Variants in NDRG1 observed in about 807,000 individuals in gnomAD.
The protein encoded by NDRG1 is N-myc downstream regulated 1, also known as protein NDRG1.
In NDRG1, 32 loss-of-function variants were observed where a neutral mutation model predicts 56.9. That is an observed-to-expected ratio of 0.56 (90% CI 0.42 to 0.76). The LOEUF is 0.76. Among genes scored for constraint, NDRG1 ranks in the 30% least tolerant of loss-of-function variants. The pLI is 0.00. For missense variants in NDRG1, 507 were observed against 545.7 expected, an observed-to-expected ratio of 0.93 and a Z score of 0.71; for synonymous variants, 211 against 204.1, an observed-to-expected ratio of 1.03 and a Z score of -0.29.
At chr8:133,257,686 A>G (rs2130722781) in intron 7 of NDRG1, among the ~76,000 whole-genome samples, 1 of 152,344 alleles carries the variant, frequency 6.6e-6, no homozygotes, top group African/African-American at 2.4e-5. Context: ...GCAGATACAT[A>G]CAGATATAGA....
chr8:133,258,060 C>T lies in NDRG1; in HGVS notation c.450+306G>A, dbSNP rs1060401. 0.12 allele frequency among the ~76,000 whole-genome samples: 17,934 copies of T among 152,116 alleles called. 1,230 individuals carry two copies. The highest frequency in any genetic ancestry group is 0.19 in the South Asian group (911 of 4,818). On this transcript the variant is annotated intron_variant, in intron 7 of 15. Transcript: ENST00000323851. ...AGTGCCCTGACTACAAAAACCTGTA[C>T]AGCTGTTACAAAGCAGTGTCATAGC...
intron 8 of NDRG1, chr8:133,256,376 G>T: frequency 4.7e-6 from 1 of 214,594 alleles, no homozygotes; most frequent in South Asian, 1.1e-4. Flanking sequence ...TATGTGAATG[G>T]ATTCCTAAGA....
intron 1 of NDRG1, among the ~76,000 whole-genome samples, chr8:133,286,709 G>T (rs1362843546): frequency 6.6e-6 from 1 of 152,112 alleles, no homozygotes; most frequent in Non-Finnish European, 1.5e-5. Context: ...TCTAAACTAG[G>T]GGGGATTTTC....
intron 3 of NDRG1, among the ~76,000 whole-genome samples, chr8:133,277,798 C>T (rs1170501444): frequency 6.6e-6 from 1 of 152,116 alleles, no homozygotes; most frequent in African/African-American, 2.4e-5. Flanking sequence ...CGGGAAGCAC[C>T]ACATCATTGG....
chr8:133,278,834 A>G (rs978684622), intron 3 of NDRG1, among the ~76,000 whole-genome samples: 2 of 151,676 alleles, frequency 1.3e-5, no homozygotes, highest in Non-Finnish European at 1.5e-5. Context: ...CACTTCCCCA[A>G]TCACTGCTGA....
At chr8:133,261,230 C>G (rs1171899510) in intron 5 of NDRG1, among the ~76,000 whole-genome samples, 1 of 152,112 alleles carries the variant, frequency 6.6e-6, no homozygotes, top group South Asian at 2.1e-4. Context: ...CTAAGCCTCC[C>G]GAGTAGCAGG....
chr8:133,259,390 C>T (rs1042385984), intron 5 of NDRG1, 160 bp from the exon 6 acceptor site: 22 of 702,174 alleles, frequency 3.1e-5, no homozygotes, highest in Non-Finnish European at 4.9e-5. Context: ...CTTCCAAGAC[C>T]CCTGCAGCAC....
At chr8:133,290,544 A>G (rs1228678750) in intron 1 of NDRG1, among the ~76,000 whole-genome samples, 1 of 152,184 alleles carries the variant, frequency 6.6e-6, no homozygotes, top group East Asian at 1.9e-4. Flanking sequence ...GGGAATGTTG[A>G]CAATGATCTC....
intron 15 of NDRG1, chr8:133,240,081 C>A (rs1200500339): frequency 1.3e-5 from 2 of 152,254 alleles, no homozygotes; most frequent in Non-Finnish European, 2.9e-5. Context: ...CAGGAAGAGG[C>A]ATGGAAGGTT....
rs72731560 is a variant in NDRG1, at chr8:133,248,992, C to A, written c.699-221G>T. Among the ~76,000 whole-genome samples the A allele has an allele frequency of 0.074, 11,319 of 152,118 alleles. 583 individuals are homozygous for A. Among genetic ancestry groups the A allele is most frequent in the African/African-American group, 0.14 (5,823 of 41,466 alleles). On this transcript the variant is annotated intron_variant, in intron 10 of 15. Coordinates refer to ENST00000323851, the MANE Select transcript of NDRG1 (RefSeq NM_006096.4). ...ACAACACATGCATTTCAAGCAGAGCCCCCTCATTTTGTCACAAATATTTGT... is the reference window on the plus strand; with the variant it reads ...ACAACACATGCATTTCAAGCAGAGCACCCTCATTTTGTCACAAATATTTGT...
chr8:133,287,809 CGTT>C (rs1858203543), intron 1 of NDRG1, among the ~76,000 whole-genome samples: 1 of 152,228 alleles, frequency 6.6e-6, no homozygotes, highest in Non-Finnish European at 1.5e-5. Context: ...AATCTGCAAA[CGTT>C]GCCAAATGTC....
rs28674076 is a variant in NDRG1, at chr8:133,289,155, A to T, written c.-18-4826T>A. The stretch of plus-strand genomic sequence containing the variant: ...GGTCTCAAACTCCTGGGTTCAAGTG[A>T]TCCTCCTACTCCGGCCTCCTGAGTA... On this transcript the variant is annotated intron_variant, in intron 1 of 15. Transcript: ENST00000323851. Among the ~76,000 whole-genome samples the T allele has an allele frequency of 4.3e-3, 647 of 152,104 alleles. 1 individual carries two copies. The highest frequency in any genetic ancestry group is 0.015 in the African/African-American group (605 of 41,500).
At chr8:133,260,040 C>T (rs1297768177) in intron 5 of NDRG1, among the ~76,000 whole-genome samples, 1 of 152,198 alleles carries the variant, frequency 6.6e-6, no homozygotes, top group Admixed American at 6.5e-5. Flanking sequence ...TGAGAAGCCG[C>T]AGGGCAGAAG....
At chr8:133,270,232 C>T (rs75996068) in intron 3 of NDRG1, among the ~76,000 whole-genome samples, 63 of 152,340 alleles carry the variant, frequency 4.1e-4, no homozygotes, top group African/African-American at 1.2e-3. Flanking sequence ...TGGTCTACAC[C>T]GCCTGGAAGC....
chr8:133,275,427 A>G (rs2080422901), intron 3 of NDRG1, among the ~76,000 whole-genome samples: 1 of 152,160 alleles, frequency 6.6e-6, no homozygotes, highest in Non-Finnish European at 1.5e-5. Context: ...GCCCTTGGAA[A>G]TTTCAGAATT....
chr8:133,244,321 A>G (rs1288972693), intron 14 of NDRG1, 34 bp downstream of exon 14: 1 of 1,613,806 alleles, frequency 6.2e-7, no homozygotes, highest in Non-Finnish European at 8.5e-7. Context: ...GGGAAGCGAC[A>G]GCTGTATAAT....
Position 133,258,322 on chromosome 8 carries a change from A to G in NDRG1, c.450+44T>C, listed in dbSNP as rs755877553. 4 of 1,568,074 alleles carry G rather than the reference A, an allele frequency of 2.6e-6. No homozygotes were observed. The African/African-American group carries it at 4.0e-5, about 16-fold the overall frequency. On this transcript the variant is annotated intron_variant, in intron 7 of 15. Coordinates refer to ENST00000323851, the MANE Select transcript of NDRG1 (RefSeq NM_006096.4). ...TTCCAATGTCTTCCTTCATCTTAAA[A>G]TGTTATTTAAAATGCGATTTTCAAA...
At chr8:133,244,234 T>C in intron 14 of NDRG1, 121 bp downstream of exon 14, 1 of 1,268,394 alleles carries the variant, frequency 7.9e-7, no homozygotes, top group Non-Finnish European at 1.1e-6. Context: ...TTCCCAACAG[T>C]CCACAAACTG....
At chr8:133,244,299 A>G in intron 14 of NDRG1, 56 bp downstream of exon 14, 1 of 1,603,948 alleles carries the variant, frequency 6.2e-7, no homozygotes, top group Admixed American at 1.7e-5. Context: ...AGGCACATGC[A>G]CTCCACCCAG....
Sources: allele counts gnomAD v4.1 joint callset (sites outside exome capture counted in the v4.1 genomes callset), GRCh38; gene constraint gnomAD v4.1.1; transcripts MANE v1.5; gene names NCBI Gene and HGNC (gene_info 2026-07-23, HGNC 2026-07-21).